The following CLSTN2 variants were observed in gnomAD, a reference collection of about 807,000 sequenced individuals.
The protein encoded by CLSTN2 is calsyntenin-2.
In CLSTN2, 48 loss-of-function variants were observed where a neutral mutation model predicts 101.2. The ratio of observed to expected loss-of-function variants is 0.47; its 90% CI spans 0.38 to 0.60. The LOEUF is 0.60. Among genes scored for constraint, CLSTN2 ranks in the 20% least tolerant of loss-of-function variants. The pLI is 0.00. For missense variants in CLSTN2, 1,160 were observed against 1,238.2 expected (o/e 0.94, Z 0.95); for synonymous variants, 481 against 463.6 (o/e 1.04, Z -0.48).
chr3:140,306,836 C>A (rs1378825773), intron 2 of CLSTN2, among the ~76,000 whole-genome samples: 5 of 145,432 alleles, frequency 3.4e-5, no homozygotes, highest in African/African-American at 1.3e-4. Flanking sequence ...TTCTGGGATC[C>A]ATTTTTGTCT....
At chr3:140,387,426 A>T (rs1222631979) in intron 2 of CLSTN2, among the ~76,000 whole-genome samples, 1 of 152,212 alleles carries the variant, frequency 6.6e-6, no homozygotes, top group Non-Finnish European at 1.5e-5. Context: ...TAACCTCTCC[A>T]TTGGGCAGCC....
At chr3:139,966,161 G>A (rs916214725) in intron 1 of CLSTN2, among the ~76,000 whole-genome samples, 2 of 152,164 alleles carry the variant, frequency 1.3e-5, no homozygotes. Context: ...TTAGCTGTGG[G>A]TAGGGGTAAC....
Position 140,054,281 on chromosome 3 carries a change from A to AT in CLSTN2, c.109+118803dup, listed in dbSNP as rs536294275. Among the ~76,000 whole-genome samples the AT allele has an allele frequency of 1.9e-3, 288 of 152,276 alleles. 3 individuals carry two copies. The highest frequency in any genetic ancestry group is 6.7e-3 in the African/African-American group (279 of 41,560). On this transcript the variant is annotated intron_variant, in intron 1 of 16. Transcript: ENST00000458420. ...CTGAAGCCCAGAATCTTATACTGTC[A>AT]TTTTTAAGATGCGTTTGCTTAACCC...
intron 1 of CLSTN2, among the ~76,000 whole-genome samples, chr3:140,044,299 T>C (rs2007822311): frequency 6.6e-6 from 1 of 152,212 alleles, no homozygotes; most frequent in South Asian, 2.1e-4. Flanking sequence ...CAATTGTGAA[T>C]GGGAGTTCAC....
chr3:140,540,308 C>T (rs1017512606), intron 9 of CLSTN2, among the ~76,000 whole-genome samples: 4 of 152,156 alleles, frequency 2.6e-5, no homozygotes, highest in African/African-American at 9.7e-5. Context: ...GTTGAGAAAG[C>T]CTGCTGGGAG....
At chr3:140,075,559 G>T (rs558930686) in intron 1 of CLSTN2, among the ~76,000 whole-genome samples, 1 of 152,168 alleles carries the variant, frequency 6.6e-6, no homozygotes, top group South Asian at 2.1e-4. Context: ...TCCTAACCTT[G>T]TGGCAGGAAT....
chr3:140,446,209 G>A (rs1362159190), intron 5 of CLSTN2, among the ~76,000 whole-genome samples: 1 of 152,150 alleles, frequency 6.6e-6, no homozygotes, highest in Admixed American at 6.5e-5. Context: ...GGCTTTTAGA[G>A]CATGGGCTGC....
intron 1 of CLSTN2, among the ~76,000 whole-genome samples, chr3:139,988,928 G>C (rs1936073700): frequency 6.6e-6 from 1 of 152,212 alleles, no homozygotes; most frequent in Non-Finnish European, 1.5e-5. Context: ...CCGAAGGACA[G>C]AGTGTGATAG....
At chr3:140,145,407 G>A (rs771409094) in intron 1 of CLSTN2, among the ~76,000 whole-genome samples, 61 of 152,236 alleles carry the variant, frequency 4.0e-4, no homozygotes, top group Non-Finnish European at 7.1e-4. Flanking sequence ...CAAGCACTCC[G>A]CCCGGCACAC....
intron 2 of CLSTN2, among the ~76,000 whole-genome samples, chr3:140,335,273 TG>T (rs917217232): frequency 1.3e-5 from 2 of 152,180 alleles, no homozygotes; most frequent in African/African-American, 4.8e-5. Flanking sequence ...TGGCAGGAAG[TG>T]GAGTCAAGGC....
intron 2 of CLSTN2, among the ~76,000 whole-genome samples, chr3:140,205,509 A>C (rs1469674098): frequency 6.6e-6 from 1 of 151,918 alleles, no homozygotes; most frequent in Non-Finnish European, 1.5e-5. Context: ...AAAGGTGGGA[A>C]TATGGGAGGG....
chr3:140,188,287 C>T (rs2010510545), intron 2 of CLSTN2, among the ~76,000 whole-genome samples: 1 of 152,188 alleles, frequency 6.6e-6, no homozygotes, highest in African/African-American at 2.4e-5. Flanking sequence ...AATGTCTGCT[C>T]CCCCTACCAA....
At chr3:140,244,552 G>C (rs922811963) in intron 2 of CLSTN2, among the ~76,000 whole-genome samples, 2 of 152,132 alleles carry the variant, frequency 1.3e-5, no homozygotes, top group African/African-American at 4.8e-5. Context: ...TTCAGTGTCT[G>C]GTTCATCTTT....
In CLSTN2 at chr3:140,567,421, TC is replaced by T. The variant is rs1292996078; in HGVS notation, c.*1169del. On this transcript the variant is annotated 3_prime_UTR_variant, in exon 17 of 17. Transcript: ENST00000458420. ...AAGCATATTTGCAATCATTGCAGCT[TC>T]TTCTTTCTTCTGCTCATAAAAGGAG... 9 of 152,222 alleles carry T rather than the reference TC, an allele frequency of 5.9e-5. No homozygotes were observed. Among genetic ancestry groups the T allele is most frequent in the Admixed American group, 5.9e-4 (9 of 15,290 alleles). 9.4% of individuals were successfully genotyped at this position (152,222 alleles called of 1,614,324 possible).
rs148068556 is a variant in CLSTN2 at position 140,574,247 on chromosome 3, C to T, written c.*7994C>T. 2 of 152,290 alleles carry T rather than the reference C, an allele frequency of 1.3e-5. No individual in the cohort carries two copies. Among genetic ancestry groups the T allele is most frequent in the African/African-American group, 2.4e-5 (1 of 41,556 alleles). 9.4% of individuals were successfully genotyped at this position (152,290 alleles called of 1,614,324 possible). A position where few individuals can be genotyped will look rare whatever the true frequency, so the allele number is the denominator to read the frequency against. ...GTCAAGGTCCTTTGTAAAATCAGATCGACGAGGGTGGAAGTGCAGTGAACA... is the reference window on the plus strand; with the variant it reads ...GTCAAGGTCCTTTGTAAAATCAGATTGACGAGGGTGGAAGTGCAGTGAACA... On this transcript the variant is annotated 3_prime_UTR_variant, in exon 17 of 17. Transcript: ENST00000458420.
chr3:140,535,836 C>A (rs2107781348), intron 9 of CLSTN2, among the ~76,000 whole-genome samples: 1 of 152,354 alleles, frequency 6.6e-6, no homozygotes, highest in South Asian at 2.1e-4. Context: ...GCTCTTTTCA[C>A]TGTGTCTCAC....
chr3:139,949,272 T>G (rs1407187515), intron 1 of CLSTN2, among the ~76,000 whole-genome samples: 1 of 152,130 alleles, frequency 6.6e-6, no homozygotes. Context: ...ATGGATGAAG[T>G]AGGTGGATGA....
chr3:139,978,641 TGGGGGATTGTGTGTGTGTGTGTGTGTG>T (rs1382989721), intron 1 of CLSTN2, among the ~76,000 whole-genome samples: 41 of 126,268 alleles, frequency 3.2e-4, no homozygotes, highest in African/African-American at 1.3e-3. Context: ...GGATGGGGGA[TGGGGGATTGTGTGTGTGTGTGTGTGTG>T]TGTGTGTGTG....
intron 14 of CLSTN2, 21 bp downstream of exon 14, chr3:140,562,977 T>A: frequency 6.2e-7 from 1 of 1,613,694 alleles, no homozygotes; most frequent in Non-Finnish European, 8.5e-7. Flanking sequence ...CCTGCCATTG[T>A]TAGGGAAGCC....
Sources: gnomAD v4.1 joint callset for allele counts (sites outside exome capture counted in the v4.1 genomes callset) on GRCh38, gnomAD v4.1.1 for gene constraint, MANE v1.5 for transcripts, NCBI Gene and HGNC (gene_info 2026-07-23, HGNC 2026-07-21) for gene names.